GLIS3: variants seen among roughly 807,000 people sequenced by gnomAD.
GLIS3 encodes GLIS family zinc finger 3.
A neutral mutation model predicts 78.6 loss-of-function variants in GLIS3; 53 were observed. The observed-to-expected ratio is 0.67, with a 90% CI of 0.54 to 0.85. GLIS3 has a LOEUF of 0.85. GLIS3 is among the 40% of genes least tolerant of loss of function. GLIS3 has a pLI of 0.00. For synonymous variants in GLIS3, 684 were observed against 509.9 expected, an observed-to-expected ratio of 1.34 and a Z score of -4.60; for missense variants, 1,703 against 1,231.1, an observed-to-expected ratio of 1.38 and a Z score of -5.74.
At chr9:4,065,129 T>C (rs1826985373) in intron 4 of GLIS3, among the ~76,000 whole-genome samples, 1 of 152,132 alleles carries the variant, frequency 6.6e-6, no homozygotes, top group Non-Finnish European at 1.5e-5. Flanking sequence ...CGGCCTAGAT[T>C]TCTGATTTTT....
chr9:4,067,770 C>A, intron 4 of GLIS3, among the ~76,000 whole-genome samples: 1 of 148,748 alleles, frequency 6.7e-6, no homozygotes, highest in South Asian at 2.1e-4. Flanking sequence ...TTAATAATAT[C>A]TCATTTCAAG....
chr9:4,058,227 G>A (rs1221281443), intron 4 of GLIS3, among the ~76,000 whole-genome samples: 1 of 152,026 alleles, frequency 6.6e-6, no homozygotes, highest in Non-Finnish European at 1.5e-5. Context: ...TGCAGGCCTT[G>A]TATTTTTCCT....
At chr9:4,153,457 A>C (rs997081043) in intron 2 of GLIS3, among the ~76,000 whole-genome samples, 2 of 152,080 alleles carry the variant, frequency 1.3e-5, no homozygotes, top group African/African-American at 4.8e-5. Flanking sequence ...CCAGCTACTT[A>C]GGAGGCTGAG....
intron 2 of GLIS3, among the ~76,000 whole-genome samples, chr9:4,267,146 C>T (rs1826090071): frequency 6.6e-6 from 1 of 152,148 alleles, no homozygotes; most frequent in African/African-American, 2.4e-5. Context: ...CACCCCCACA[C>T]ACACCCATGT....
chr9:4,089,128 GT>G (rs1168278944), intron 4 of GLIS3, among the ~76,000 whole-genome samples: 2 of 152,172 alleles, frequency 1.3e-5, no homozygotes, highest in Admixed American at 1.3e-4. Context: ...ATGTGGCCTA[GT>G]TTTTTATGTT....
chr9:4,175,718 T>A (rs1296326633), intron 2 of GLIS3, among the ~76,000 whole-genome samples: 1 of 152,092 alleles, frequency 6.6e-6, no homozygotes, highest in Non-Finnish European at 1.5e-5. Context: ...ATAACCACCA[T>A]AACGCTGGGA....
chr9:4,086,792 A>C (rs1274454357), intron 4 of GLIS3, among the ~76,000 whole-genome samples: 1 of 152,214 alleles, frequency 6.6e-6, no homozygotes. Context: ...AACTAGAGAG[A>C]GCCATGAACT....
At chr9:4,360,380 T>C in the GLIS3 span, among the ~76,000 whole-genome samples, 1 of 152,194 alleles carries the variant, frequency 6.6e-6, no homozygotes, top group African/African-American at 2.4e-5. Context: ...CCACTTGCTT[T>C]CTGTACCTGG....
At chr9:4,010,195 G>T (rs1821886231) in intron 4 of GLIS3, among the ~76,000 whole-genome samples, 2 of 152,188 alleles carry the variant, frequency 1.3e-5, no homozygotes, top group African/African-American at 4.8e-5. Context: ...AGGTATAGAG[G>T]TCAAGAGCAC....
At chr9:4,009,912 G>C (rs1821861890) in intron 4 of GLIS3, among the ~76,000 whole-genome samples, 1 of 152,122 alleles carries the variant, frequency 6.6e-6, no homozygotes, top group Non-Finnish European at 1.5e-5. Context: ...CAAGTAGTAG[G>C]GGCTTTCAAT....
chr9:4,033,864 TAA>T (rs34745570), intron 4 of GLIS3, among the ~76,000 whole-genome samples: 7,305 of 67,838 alleles, frequency 0.11, 198 homozygotes, highest in Middle Eastern at 0.2. Context: ...AGGCGAAGGA[TAA>T]AAAAAAAAAA....
chr9:4,415,666 A>T, the GLIS3 span, among the ~76,000 whole-genome samples: 3 of 152,210 alleles, frequency 2.0e-5, no homozygotes, highest in Non-Finnish European at 4.4e-5. Context: ...TGACCTTACA[A>T]CAATAGATTG....
At chr9:3,888,607 C>T (rs543147336) in intron 7 of GLIS3, among the ~76,000 whole-genome samples, 23 of 152,302 alleles carry the variant, frequency 1.5e-4, no homozygotes, top group African/African-American at 5.1e-4. Flanking sequence ...ACAGCTTCTT[C>T]GATTATCATG....
chr9:4,108,776 C>T (rs755317320), intron 4 of GLIS3, among the ~76,000 whole-genome samples: 57 of 152,124 alleles, frequency 3.7e-4, no homozygotes, highest in South Asian at 2.9e-3. Context: ...GAATCTGCCT[C>T]ATAAATTTTA....
intron 4 of GLIS3, among the ~76,000 whole-genome samples, chr9:3,941,362 T>C (rs1815903047): frequency 6.6e-6 from 1 of 151,814 alleles, no homozygotes; most frequent in South Asian, 2.1e-4. Flanking sequence ...ATTTTATTTA[T>C]TTATTTATTT....
chr9:4,021,936 GAC>G (rs1477530629), intron 4 of GLIS3, among the ~76,000 whole-genome samples: 3 of 152,192 alleles, frequency 2.0e-5, no homozygotes, highest in African/African-American at 7.2e-5. Context: ...GTAGAAACCA[GAC>G]ACACACAGTC....
intron 3 of GLIS3, among the ~76,000 whole-genome samples, chr9:4,122,685 A>G (rs1832278369): frequency 6.6e-6 from 1 of 152,210 alleles, no homozygotes; most frequent in Non-Finnish European, 1.5e-5. Flanking sequence ...CAGGATTACA[A>G]TGCATGTGAA....
intron 9 of GLIS3, among the ~76,000 whole-genome samples, chr9:3,834,970 T>G (rs1455704276): frequency 6.6e-6 from 1 of 152,200 alleles, no homozygotes. Context: ...GGTGGCGATG[T>G]GCCCTTGTGG....
At chr9:4,469,494 G>A in the GLIS3 span, among the ~76,000 whole-genome samples, 4 of 152,074 alleles carry the variant, frequency 2.6e-5, no homozygotes, top group African/African-American at 7.2e-5. Context: ...ACTCAAAACC[G>A]CTCAACTACA....
Sources: gnomAD v4.1 joint callset for allele counts (sites outside exome capture counted in the v4.1 genomes callset) on GRCh38, gnomAD v4.1.1 for gene constraint, MANE v1.5 for transcripts, NCBI Gene and HGNC (gene_info 2026-07-23, HGNC 2026-07-21) for gene names.